The following CHRNA5 variants were observed in gnomAD, a reference collection of about 807,000 sequenced individuals.
The protein encoded by CHRNA5 is cholinergic receptor nicotinic alpha 5 subunit.
Under a neutral mutation model 41.2 loss-of-function variants are expected in CHRNA5, and 28 were observed. The ratio of observed to expected loss-of-function variants is 0.68; its 90% CI spans 0.50 to 0.93. CHRNA5 has a LOEUF of 0.93. Among genes scored for constraint, CHRNA5 ranks in the 40% least tolerant of loss-of-function variants. The pLI is 0.00. For synonymous variants in CHRNA5, 188 were observed against 205.8 expected (o/e 0.91, Z 0.74); for missense variants, 481 against 581.9 (o/e 0.83, Z 1.78).
At chr15:78,578,280 G>A (rs1284478987) in intron 1 of CHRNA5, among the ~76,000 whole-genome samples, 3 of 152,156 alleles carry the variant, frequency 2.0e-5, no homozygotes, top group African/African-American at 7.2e-5. Context: ...GGCCGAGGCG[G>A]GTGGATCACC....
intron 2 of CHRNA5, among the ~76,000 whole-genome samples, chr15:78,584,629 TG>T (rs1005623181): frequency 1.3e-5 from 2 of 152,254 alleles, no homozygotes; most frequent in Non-Finnish European, 2.9e-5. Flanking sequence ...AAGTATTGAC[TG>T]GGAGCCCAAT....
At position 78,586,579 on chromosome 15, in the gene CHRNA5, T is replaced by C. The variant is rs534314741; in HGVS notation, c.259-66T>C. The C allele has an allele frequency of 4.2e-6, 4 of 961,878 alleles. No individual in the cohort carries two copies. The African/African-American group carries it at 6.7e-5, about 16-fold the overall frequency. 59.6% of individuals were successfully genotyped at this position (961,878 alleles called of 1,614,324 possible). On this transcript the variant is annotated intron_variant, in intron 2 of 5. Coordinates refer to ENST00000299565, the Ensembl canonical transcript of CHRNA5. Reference sequence around the variant, plus strand: ...AGTGTTTATATAACAATGTGAAATTTATTATTTAAAGAATTATTGTTTCTG... The same window carrying C: ...AGTGTTTATATAACAATGTGAAATTCATTATTTAAAGAATTATTGTTTCTG...
At chr15:78,583,464 C>T (rs1165897359) in intron 2 of CHRNA5, among the ~76,000 whole-genome samples, 2 of 152,050 alleles carry the variant, frequency 1.3e-5, no homozygotes, top group Non-Finnish European at 2.9e-5. Context: ...GAGGCCGAGG[C>T]AGGTAGATCA....
intron 1 of CHRNA5, among the ~76,000 whole-genome samples, chr15:78,577,743 G>A (rs2052871734): frequency 6.6e-6 from 1 of 151,730 alleles, no homozygotes; most frequent in Non-Finnish European, 1.5e-5. Flanking sequence ...GACCAGTCTG[G>A]GCAACATGGT....
intron 1 of CHRNA5, 75 bp from the exon 2 acceptor site, chr15:78,580,736 G>T (rs2052904594): frequency 7.5e-7 from 1 of 1,336,662 alleles, no homozygotes; most frequent in Admixed American, 2.1e-5. Context: ...TCCTGGGTTT[G>T]AACTTTTGTT....
At chr15:78,565,580 T>C in exon 1 of CHRNA5, 1 of 224,468 alleles carries the variant, frequency 4.5e-6, no homozygotes, top group Non-Finnish European at 8.4e-6. Flanking sequence ...GCGGGAGCTG[T>C]GGCGCGGAGC....
intron 3 of CHRNA5, among the ~76,000 whole-genome samples, chr15:78,587,810 G>A (rs952813489): frequency 2.0e-5 from 3 of 151,774 alleles, no homozygotes; most frequent in Non-Finnish European, 4.4e-5. Flanking sequence ...TTCTAACCCC[G>A]AACTCCTGAA....
chr15:78,572,711 G>A (rs1019144079), intron 1 of CHRNA5, among the ~76,000 whole-genome samples: 5 of 152,060 alleles, frequency 3.3e-5, no homozygotes, highest in Non-Finnish European at 7.4e-5. Flanking sequence ...TCGAACTCCC[G>A]ACCTCAAGTG....
intron 1 of CHRNA5, among the ~76,000 whole-genome samples, chr15:78,579,360 TCTC>T (rs2052889176): frequency 6.6e-6 from 1 of 152,164 alleles, no homozygotes; most frequent in Admixed American, 6.6e-5. Context: ...CTCAAGCAGT[TCTC>T]CTGCCTCAGC....
chr15:78,589,989 A>G lies in CHRNA5; in HGVS notation c.598A>G (p.Ile200Val), dbSNP rs201487053. 155 of 1,614,202 alleles carry G rather than the reference A, an allele frequency of 9.6e-5. 1 individual carries two copies. The East Asian group carries it at 1.7e-3, about 18-fold the overall frequency. ...GACTTATGATGGATCACAGGTTGAT[A>G]TAATTCTAGAGGACCAAGATGTAGA... The change falls in exon 5 of 6, where the codon ATA (isoleucine) becomes GTA (valine). Residue 200 changes from isoleucine (I) to valine (V), a missense_variant. By Grantham distance (29) the Ile-to-Val change is conservative. Transcript: ENST00000299565.
intron 1 of CHRNA5, among the ~76,000 whole-genome samples, chr15:78,568,357 G>C (rs2052768793): frequency 6.6e-6 from 1 of 152,076 alleles, no homozygotes; most frequent in Non-Finnish European, 1.5e-5. Flanking sequence ...ATGGAAGTTA[G>C]ATAGTCATTA....
chr15:78,589,985 T>C, exon 5 of CHRNA5: 1 of 1,614,140 alleles, frequency 6.2e-7, no homozygotes, highest in Non-Finnish European at 8.5e-7. Context: ...GATCACAGGT[T>C]GATATAATTC....
intron 3 of CHRNA5, among the ~76,000 whole-genome samples, chr15:78,587,734 T>A (rs2141418709): frequency 6.6e-6 from 1 of 152,302 alleles, no homozygotes; most frequent in African/African-American, 2.4e-5. Context: ...CATACATATG[T>A]CCTAACTGCT....
exon 6 of CHRNA5, chr15:78,595,239 T>TATG: frequency 1.0e-6 from 1 of 959,108 alleles, no homozygotes. Context: ...TACTGTTACT[T>TATG]ATGATTTTTA....
At chr15:78,580,108 C>T (rs1278455918) in intron 1 of CHRNA5, among the ~76,000 whole-genome samples, 3 of 151,458 alleles carry the variant, frequency 2.0e-5, no homozygotes, top group South Asian at 4.2e-4. Context: ...GGTGGAACCC[C>T]GTCTCTACTA....
At chr15:78,575,397 T>C (rs1158372232) in intron 1 of CHRNA5, among the ~76,000 whole-genome samples, 2 of 152,206 alleles carry the variant, frequency 1.3e-5, no homozygotes, top group Admixed American at 6.5e-5. Context: ...TTTGTTCTTA[T>C]CCTATTTTTA....
chr15:78,572,283 A>G lies in CHRNA5; in HGVS notation c.106+6458A>G, dbSNP rs533347790. On this transcript the variant is annotated intron_variant, in intron 1 of 5. Transcript: ENST00000299565. ...AATCTTTGCATCAGTATGGAAAAAGAGATTTGTTAATTACAGCATTTTTTC... is the reference window on the plus strand; with the variant it reads ...AATCTTTGCATCAGTATGGAAAAAGGGATTTGTTAATTACAGCATTTTTTC... 1.8e-4 allele frequency among the ~76,000 whole-genome samples: 28 copies of G among 152,304 alleles called. No individual in the cohort carries two copies. The East Asian group carries it at 4.2e-3, about 23-fold the overall frequency.
exon 6 of CHRNA5, chr15:78,593,102 A>T: frequency 6.2e-7 from 1 of 1,605,596 alleles, no homozygotes; most frequent in Non-Finnish European, 8.5e-7. Flanking sequence ...GTTGTTGAAG[A>T]TTGGAAATTC....
exon 6 of CHRNA5, chr15:78,594,550 C>G (rs56255741): frequency 6.6e-6 from 1 of 152,180 alleles, no homozygotes; most frequent in Non-Finnish European, 1.5e-5. Flanking sequence ...TGGTAGCAGG[C>G]GCCTGTAGTC....
Sources: gnomAD v4.1 joint callset for allele counts (sites outside exome capture counted in the v4.1 genomes callset) on GRCh38, gnomAD v4.1.1 for gene constraint, MANE v1.5 for transcripts, NCBI Gene and HGNC (gene_info 2026-07-23, HGNC 2026-07-21) for gene names.